The following C19orf18 variants were observed in gnomAD, a reference collection of about 807,000 sequenced individuals.
The protein encoded by C19orf18 is uncharacterized protein C19orf18.
C19orf18 carries 21 observed loss-of-function variants against 23.3 expected under a neutral mutation model. The ratio of observed to expected loss-of-function variants is 0.90; its 90% confidence interval spans 0.64 to 1.30. The LOEUF is 1.30. Ranked by LOEUF, C19orf18 falls within the 50% of genes most tolerant of loss-of-function variation. C19orf18 has a pLI of 0.00. For synonymous variants in C19orf18, 96 were observed against 95.2 expected, an observed-to-expected ratio of 1.01 and a Z score of -0.05; for missense variants, 249 against 259.6, an observed-to-expected ratio of 0.96 and a Z score of 0.28.
At position 57,958,599 on chromosome 19, in the gene C19orf18, CG is replaced by C. The variant is rs1568564999; in HGVS notation, c.*2del. 1 of 1,581,922 alleles carries C rather than the reference CG, an allele frequency of 6.3e-7. No homozygotes were observed. Among genetic ancestry groups the C allele is most frequent in the Non-Finnish European group, 8.6e-7 (1 of 1,157,574 alleles). On this transcript the variant is annotated 3_prime_UTR_variant, in exon 6 of 6. Coordinates refer to ENST00000314391, the MANE Select transcript of C19orf18 (RefSeq NM_152474.5). Reference sequence around the variant, plus strand: ...CCTCAGCCGGCACCTCTGTCGTCTGCGTTCACAAGTCTTCCATTTTTCCATT... The same window carrying C: ...CCTCAGCCGGCACCTCTGTCGTCTGCTTCACAAGTCTTCCATTTTTCCATT...
In C19orf18 at chr19:57,966,138, C is replaced by A. The variant is rs567190465; in HGVS notation, c.371+392G>T. The stretch of plus-strand genomic sequence containing the variant: ...GACTACAGGCACCCGCCACCACGCC[C>A]GGCTAATTTTTTGTATTTTTAGTAG... On this transcript the variant is annotated intron_variant, in intron 4 of 5. Coordinates refer to ENST00000314391, the MANE Select transcript of C19orf18 (RefSeq NM_152474.5). 2.2e-3 allele frequency among the ~76,000 whole-genome samples: 337 copies of A among 152,082 alleles called. 1 individual carries two copies. Among genetic ancestry groups the A allele is most frequent in the African/African-American group, 7.8e-3 (323 of 41,506 alleles).
chr19:57,974,179 C>T lies in C19orf18; in HGVS notation c.146G>A (p.Arg49Lys). 2 of 1,614,112 alleles carry T rather than the reference C, an allele frequency of 1.2e-6. No individual in the cohort carries two copies. The highest frequency in any genetic ancestry group is 1.6e-4 in the Middle Eastern group (1 of 6,062). Residue 49 changes from arginine to lysine, a missense_variant, in exon 2 of 6, where the codon AGA (arginine) becomes AAA (lysine). Transcript: ENST00000314391. ...CACTTTGGGCTCTTTGGTGATGTTT[C>T]TGGGTGGTTGTGACCGTTTACTGCC... ...LPGSKRSQPP[R>K]NITKEPKVFF... is the part of the protein sequence containing the mutation.
chr19:57,961,766 A>G (rs902736649), intron 4 of C19orf18, among the ~76,000 whole-genome samples: 1 of 152,172 alleles, frequency 6.6e-6, no homozygotes, highest in Admixed American at 6.5e-5. Context: ...CAAAGCATGG[A>G]TCAAAGCCAG....
chr19:57,974,380 C>A lies in C19orf18; in HGVS notation c.53G>T (p.Cys18Phe). The A allele has an allele frequency of 6.2e-7, 1 of 1,613,824 alleles. No individual in the cohort carries two copies. The highest frequency in any genetic ancestry group is 1.1e-5 in the South Asian group (1 of 91,082). The change falls in exon 1 of 6, where the codon TGC (cysteine) becomes TTC (phenylalanine). Residue 18 changes from cysteine (C) to phenylalanine (F), a missense_variant. Physicochemically the swap from Cys to Phe is radical, Grantham distance 205. Coordinates refer to ENST00000314391, the MANE Select transcript of C19orf18 (RefSeq NM_152474.5). ...ATACGGCAAGCATAAATGAAGTTGG[C>A]ATTCCATTAAAAACAAAAACAAAAT... ...FLILFLFLME[C>F]QLHLCLPYAD...
intron 4 of C19orf18, among the ~76,000 whole-genome samples, chr19:57,961,885 T>A (rs772610545): frequency 1.3e-5 from 2 of 150,076 alleles, no homozygotes; most frequent in Non-Finnish European, 1.5e-5. Context: ...CTTCTCTTTT[T>A]CTTTCTCTTT....
intron 3 of C19orf18, among the ~76,000 whole-genome samples, chr19:57,968,378 T>C (rs7259833): frequency 0.27 from 40,628 of 151,940 alleles, 5,919 homozygotes; most frequent in African/African-American, 0.39. Flanking sequence ...GGAGAGGGAA[T>C]TGTCAGGAAA....
chr19:57,971,761 G>A (rs777887596), intron 3 of C19orf18, among the ~76,000 whole-genome samples: 8 of 152,056 alleles, frequency 5.3e-5, no homozygotes, highest in South Asian at 2.1e-4. Context: ...ATGAGCCACC[G>A]CACCCGGCCC....
intron 4 of C19orf18, among the ~76,000 whole-genome samples, chr19:57,962,173 G>T (rs999315460): frequency 6.6e-6 from 1 of 151,926 alleles, no homozygotes; most frequent in African/African-American, 2.4e-5. Context: ...TGGGACCACA[G>T]GCTCGTGGCA....
intron 3 of C19orf18, among the ~76,000 whole-genome samples, chr19:57,968,711 G>C (rs2072924305): frequency 6.6e-6 from 1 of 152,132 alleles, no homozygotes; most frequent in Non-Finnish European, 1.5e-5. Context: ...TGGAATTGCT[G>C]GGTGTATTTA....
intron 4 of C19orf18, among the ~76,000 whole-genome samples, chr19:57,963,820 G>A (rs562305270): frequency 3.5e-4 from 53 of 152,252 alleles, no homozygotes; most frequent in African/African-American, 1.2e-3. Flanking sequence ...AACCTGGGAG[G>A]CGGGGCTTGC....
rs1178144577 is a variant in C19orf18, at chr19:57,961,507, T to A, written c.416A>T (p.Tyr139Phe). ...TAATAACGGTATCCTGAGGTTCTTA[T>A]AAAGTGACTCGAGCTGTTGTCTTTC... ...AEERQQLESL[Y>F]KNLRIPLLGD... The change falls in exon 5 of 6, where the codon TAT (tyrosine) becomes TTT (phenylalanine). Residue 139 changes from tyrosine to phenylalanine, a missense_variant. Coordinates refer to ENST00000314391, the MANE Select transcript of C19orf18 (RefSeq NM_152474.5). The A allele has an allele frequency of 1.9e-6, 3 of 1,614,142 alleles. No individual in the cohort carries two copies. In the Admixed American group the frequency reaches 5.0e-5, roughly 27 times the overall value.
intron 4 of C19orf18, among the ~76,000 whole-genome samples, chr19:57,964,981 G>A (rs927530546): frequency 7.2e-5 from 11 of 152,020 alleles, no homozygotes; most frequent in Admixed American, 2.0e-4. Context: ...CTTTATTTGC[G>A]AAGACGGTGA....
chr19:57,973,009 A>G (rs2072955783), intron 2 of C19orf18, among the ~76,000 whole-genome samples: 1 of 151,806 alleles, frequency 6.6e-6, no homozygotes, highest in African/African-American at 2.4e-5. Context: ...TTAGCTGGGC[A>G]TGGTGGCACG....
At chr19:57,961,298 AATGCAAGCCACCGCTG>A in intron 5 of C19orf18, 77 bp downstream of exon 5, 3 of 1,275,484 alleles carry the variant, frequency 2.4e-6, no homozygotes, top group Non-Finnish European at 3.3e-6. Flanking sequence ...AAAGAAAAGA[AATGCAAGCCACCGCTG>A]AGAAAGAAAG....
At position 57,959,794 on chromosome 19, in the gene C19orf18, C is replaced by CAAAAAA. The variant is rs35485603; in HGVS notation, c.533-1083_533-1078dup. ...TGGGTGACGTAGTGAAACTCTGCCT[C>CAAAAAA]AAAAAAAAAAAAAAAAAGAAAAAAG... On this transcript the variant is annotated intron_variant, in intron 5 of 5. Coordinates refer to ENST00000314391, the MANE Select transcript of C19orf18 (RefSeq NM_152474.5). 8.1e-5 allele frequency among the ~76,000 whole-genome samples: 8 copies of CAAAAAA among 99,304 alleles called. No homozygotes were observed. In the South Asian group the frequency reaches 1.7e-3, roughly 21 times the overall value. 65.1% of individuals were successfully genotyped at this position (99,304 alleles called of 152,430 possible).
In C19orf18 at chr19:57,974,137, TG is replaced by T; in HGVS notation, c.187del (p.Gln63SerfsTer21). ...KEPKVFFHKT[Q>X]LPGIQGAASR... ...GGCAGCCCCTTGAATCCCAGGCAAC[TG>T]GGTTTTATGAAAGAACACTTTGGGC... On this transcript the variant is annotated frameshift_variant, in exon 2 of 6. Coordinates refer to ENST00000314391, the MANE Select transcript of C19orf18 (RefSeq NM_152474.5). LOFTEE classifies it high-confidence loss of function. The T allele has an allele frequency of 6.2e-7, 1 of 1,614,198 alleles. No homozygotes were observed. Among genetic ancestry groups the T allele is most frequent in the Non-Finnish European group, 8.5e-7 (1 of 1,180,038 alleles).
At position 57,960,622 on chromosome 19, in the gene C19orf18, C is replaced by A. The variant is rs917409533; in HGVS notation, c.532+769G>T. On this transcript the variant is annotated intron_variant, in intron 5 of 5. Coordinates refer to ENST00000314391, the MANE Select transcript of C19orf18 (RefSeq NM_152474.5). ...ATGGAGACAGATGGTGCAGGTGAAA[C>A]ATCTGCGTGTCTGTGTTCTGAATGC... Among the ~76,000 whole-genome samples, 10 of 152,168 alleles carry A rather than the reference C, an allele frequency of 6.6e-5. No individual in the cohort carries two copies. The South Asian group carries it at 1.7e-3, about 25-fold the overall frequency.
At chr19:57,959,875 C>T (rs1047071317) in intron 5 of C19orf18, among the ~76,000 whole-genome samples, 8 of 150,154 alleles carry the variant, frequency 5.3e-5, no homozygotes, top group Non-Finnish European at 1.2e-4. Flanking sequence ...TTTGGGAGGC[C>T]GAGGCGGGTG....
At chr19:57,972,642 T>C (rs2072952896) in intron 2 of C19orf18, 138 bp from the exon 3 acceptor site, 1 of 921,712 alleles carries the variant, frequency 1.1e-6, no homozygotes. Context: ...TGGGATGTGT[T>C]AATACATTCC....
Sources: gnomAD v4.1 joint callset for allele counts (sites outside exome capture counted in the v4.1 genomes callset) on GRCh38, gnomAD v4.1.1 for gene constraint, MANE v1.5 for transcripts, NCBI Gene and HGNC (gene_info 2026-07-23, HGNC 2026-07-21) for gene names.